Variants in EYS observed in about 807,000 individuals in gnomAD.
EYS encodes EGF-like photoreceptor maintenance factor, also known as protein eyes shut homolog.
EYS carries 250 observed loss-of-function variants against 282.1 expected under a neutral mutation model. The ratio of observed to expected loss-of-function variants is 0.89; its 90% CI spans 0.80 to 0.98. The LOEUF (loss-of-function observed/expected upper bound fraction) is 0.98. Ranked by LOEUF, EYS falls within the 50% of genes least tolerant of loss-of-function variation. The pLI, the probability that EYS is intolerant of heterozygous loss-of-function variation, is 0.00. For missense variants in EYS, 4,016 were observed against 3,709.0 expected, an observed-to-expected ratio of 1.08 and a Z score of -2.15; for synonymous variants, 1,355 against 1,282.9, an observed-to-expected ratio of 1.06 and a Z score of -1.20.
chr6:64,188,651 T>C (rs1180814447), intron 31 of EYS, among the ~76,000 whole-genome samples: 2 of 152,180 alleles, frequency 1.3e-5, no homozygotes, highest in Non-Finnish European at 2.9e-5. Context: ...ACAATTTTTC[T>C]TCTTGCCCTA....
intron 15 of EYS, among the ~76,000 whole-genome samples, chr6:64,914,535 C>T (rs928265603): frequency 6.6e-6 from 1 of 152,034 alleles, no homozygotes; most frequent in Non-Finnish European, 1.5e-5. Flanking sequence ...AGAAAAGAGT[C>T]ACCTAATTTG....
At chr6:64,113,627 G>A (rs189157702) in intron 31 of EYS, among the ~76,000 whole-genome samples, 25 of 152,212 alleles carry the variant, frequency 1.6e-4, no homozygotes, top group Admixed American at 9.8e-4. Flanking sequence ...CCTGTGTTAC[G>A]GCAGGACTAG....
At chr6:65,431,183 A>G (rs971655774) in intron 5 of EYS, among the ~76,000 whole-genome samples, 1 of 152,104 alleles carries the variant, frequency 6.6e-6, no homozygotes, top group African/African-American at 2.4e-5. Flanking sequence ...TCCGTTGTGA[A>G]CTCTTTCACC....
chr6:64,985,573 CCT>C (rs1491496542), intron 14 of EYS, among the ~76,000 whole-genome samples: 1 of 151,350 alleles, frequency 6.6e-6, no homozygotes, highest in Non-Finnish European at 1.5e-5. Flanking sequence ...ATTTAAAAAA[CCT>C]TTTTTACAAA....
chr6:64,305,239 A>G (rs1769394202), intron 30 of EYS, among the ~76,000 whole-genome samples: 1 of 152,228 alleles, frequency 6.6e-6, no homozygotes, highest in Non-Finnish European at 1.5e-5. Context: ...AATAGAAACT[A>G]CTAAACATTG....
At chr6:64,688,030 C>A (rs1385766309) in intron 22 of EYS, among the ~76,000 whole-genome samples, 1 of 152,008 alleles carries the variant, frequency 6.6e-6, no homozygotes, top group Non-Finnish European at 1.5e-5. Context: ...TTATAGTATT[C>A]TCTAATGGTA....
Position 64,077,748 on chromosome 6 carries a change from G to T in EYS, c.6571+4108C>A, listed in dbSNP as rs3013149. Among the ~76,000 whole-genome samples, 442 of 152,066 alleles carry T rather than the reference G, an allele frequency of 2.9e-3. 2 individuals carry two copies. The highest frequency in any genetic ancestry group is 0.01 in the African/African-American group (418 of 41,520). On this transcript the variant is annotated intron_variant, in intron 32 of 42. Transcript: ENST00000503581. ...GCATGGTAATATATCCCATGACGAA[G>T]CCTCCTGATTGATACTGCTTGTGTA...
At chr6:65,365,669 T>C (rs1764890644) in intron 8 of EYS, among the ~76,000 whole-genome samples, 1 of 151,674 alleles carries the variant, frequency 6.6e-6, no homozygotes, top group South Asian at 2.1e-4. Flanking sequence ...TGATATTCTT[T>C]CAATGAGCTG....
chr6:65,172,981 TTA>T (rs1491428375), intron 12 of EYS, among the ~76,000 whole-genome samples: 2 of 127,230 alleles, frequency 1.6e-5, no homozygotes, highest in African/African-American at 3.7e-5. Flanking sequence ...GCCTGGAAAT[TTA>T]AAAAAAAAAA....
At chr6:64,159,761 T>C (rs1775047565) in intron 31 of EYS, among the ~76,000 whole-genome samples, 1 of 152,048 alleles carries the variant, frequency 6.6e-6, no homozygotes, top group African/African-American at 2.4e-5. Flanking sequence ...ATTCTGTGGC[T>C]CTTCTTTCCG....
At chr6:64,768,690 A>T (rs186437810) in intron 22 of EYS, among the ~76,000 whole-genome samples, 2 of 152,286 alleles carry the variant, frequency 1.3e-5, no homozygotes, top group African/African-American at 4.8e-5. Flanking sequence ...CTTTGGTGAT[A>T]AAGGTACAGA....
chr6:64,712,830 C>T (rs1286533549), intron 22 of EYS, among the ~76,000 whole-genome samples: 4 of 152,126 alleles, frequency 2.6e-5, no homozygotes, highest in African/African-American at 4.8e-5. Flanking sequence ...AACTGAAATG[C>T]TCTAAGGTAA....
At chr6:65,704,166 T>C (rs1313151559) in intron 1 of EYS, among the ~76,000 whole-genome samples, 2 of 152,200 alleles carry the variant, frequency 1.3e-5, no homozygotes, top group African/African-American at 2.4e-5. Context: ...TAATAAAGCA[T>C]GCAAATCACA....
chr6:65,504,398 T>C (rs1766575928), intron 2 of EYS, among the ~76,000 whole-genome samples: 2 of 151,690 alleles, frequency 1.3e-5, no homozygotes, highest in African/African-American at 4.8e-5. Context: ...TATATTTTCA[T>C]GCTTTTATTT....
chr6:64,056,873 T>C (rs934402949), intron 33 of EYS, among the ~76,000 whole-genome samples: 1 of 152,206 alleles, frequency 6.6e-6, no homozygotes, highest in African/African-American at 2.4e-5. Context: ...TTATGGTAAT[T>C]GGTATAGGGC....
rs548258816 is a variant in EYS, at chr6:64,989,083, C to T, written c.2259+8499G>A. Among the ~76,000 whole-genome samples, 103 of 151,356 alleles carry T rather than the reference C, an allele frequency of 6.8e-4. 1 individual carries two copies. Among genetic ancestry groups the T allele is most frequent in the Non-Finnish European group, 1.1e-3 (77 of 67,590 alleles). ...TATAGATTCAACATAAAGTAAAATA[C>T]ATGAAGCATTTTACATTTAATTTGT... is the stretch of plus-strand genomic sequence containing the variant. On this transcript the variant is annotated intron_variant, in intron 14 of 42. Transcript: ENST00000503581.
chr6:64,398,398 C>T (rs1773446911), intron 28 of EYS, among the ~76,000 whole-genome samples: 1 of 151,854 alleles, frequency 6.6e-6, no homozygotes, highest in African/African-American at 2.4e-5. Context: ...AATATGTTGA[C>T]TCAGGCTGCA....
chr6:64,445,061 T>G (rs183187122), intron 26 of EYS, among the ~76,000 whole-genome samples: 1 of 152,208 alleles, frequency 6.6e-6, no homozygotes. Flanking sequence ...CAAAACAGAC[T>G]AACACACTAT....
At chr6:65,440,446 C>T (rs1276601984) in intron 5 of EYS, among the ~76,000 whole-genome samples, 1 of 151,386 alleles carries the variant, frequency 6.6e-6, no homozygotes, top group Non-Finnish European at 1.5e-5. Flanking sequence ...AATACATTTT[C>T]TAAATTTTAT....
Sources: gnomAD v4.1 joint callset for allele counts (sites outside exome capture counted in the v4.1 genomes callset) on GRCh38, gnomAD v4.1.1 for gene constraint, MANE v1.5 for transcripts, NCBI Gene and HGNC (gene_info 2026-07-23, HGNC 2026-07-21) for gene names.